The following CNTN3 variants were observed in gnomAD, a reference collection of about 807,000 sequenced individuals.
The protein encoded by CNTN3 is contactin-3.
Under a neutral mutation model 119.1 loss-of-function variants are expected in CNTN3, and 60 were observed. The observed-to-expected ratio is 0.50, with a 90% CI of 0.41 to 0.62. The LOEUF is 0.62. CNTN3 is among the 20% of genes least tolerant of loss of function. The probability of loss-of-function intolerance (pLI) is 0.00; values close to 1 mark genes in which losing one functional copy is unlikely to be tolerated. For synonymous variants in CNTN3, 450 were observed against 438.7 expected, an observed-to-expected ratio of 1.03 and a Z score of -0.32; for missense variants, 1,101 against 1,242.4, an observed-to-expected ratio of 0.89 and a Z score of 1.71.
At chr3:74,402,531 CATT>C (rs1051461518) in intron 5 of CNTN3, among the ~76,000 whole-genome samples, 1 of 152,082 alleles carries the variant, frequency 6.6e-6, no homozygotes, top group African/African-American at 2.4e-5. Flanking sequence ...TGGCAAATGA[CATT>C]GTTAGCATTC....
At chr3:74,308,087 T>C (rs1353053056) in intron 13 of CNTN3, among the ~76,000 whole-genome samples, 2 of 152,178 alleles carry the variant, frequency 1.3e-5, no homozygotes, top group Non-Finnish European at 2.9e-5. Flanking sequence ...TGGTTGGCGT[T>C]TTCCTCTGTA....
chr3:74,434,408 C>A (rs996820434), intron 4 of CNTN3, among the ~76,000 whole-genome samples: 2 of 152,130 alleles, frequency 1.3e-5, no homozygotes, highest in African/African-American at 4.8e-5. Context: ...TACAGTTTTT[C>A]AAACATGCAC....
intron 20 of CNTN3, among the ~76,000 whole-genome samples, chr3:74,277,220 T>G (rs1218112693): frequency 2.0e-5 from 3 of 151,556 alleles, no homozygotes; most frequent in Non-Finnish European, 4.4e-5. Flanking sequence ...CAATCCTGTT[T>G]ACACTATTCA....
At chr3:74,351,583 T>G (rs1168089574) in intron 11 of CNTN3, among the ~76,000 whole-genome samples, 1 of 152,250 alleles carries the variant, frequency 6.6e-6, no homozygotes, top group Non-Finnish European at 1.5e-5. Context: ...AACGTATGTT[T>G]AACTTCATCT....
intron 4 of CNTN3, among the ~76,000 whole-genome samples, chr3:74,428,459 C>T (rs372894863): frequency 1.3e-5 from 2 of 151,570 alleles, no homozygotes; most frequent in Non-Finnish European, 2.9e-5. Flanking sequence ...CCTAGGTTAA[C>T]GTGTGTTTTT....
intron 11 of CNTN3, among the ~76,000 whole-genome samples, chr3:74,342,250 C>A (rs1250897687): frequency 6.6e-6 from 1 of 152,138 alleles, no homozygotes; most frequent in Admixed American, 6.5e-5. Flanking sequence ...ACTGCTCTCA[C>A]CCCCACGTTA....
In CNTN3 at chr3:74,524,342, G is replaced by A. The variant is rs140870834; in HGVS notation, c.-80-3150C>T. Among the ~76,000 whole-genome samples the A allele has an allele frequency of 2.6e-3, 400 of 151,908 alleles. 4 individuals are homozygous for A. Among genetic ancestry groups the A allele is most frequent in the African/African-American group, 9.0e-3 (373 of 41,474 alleles). ...GATTGTCAGGAGACTGATAATCCCC[G>A]TACTCATAGAGTTTATCAACTATTG... On this transcript the variant is annotated intron_variant, in intron 1 of 22. Coordinates refer to ENST00000263665, the MANE Select transcript of CNTN3 (RefSeq NM_020872.3).
At position 74,441,002 on chromosome 3, in the gene CNTN3, G is replaced by A. The variant is rs142865709; in HGVS notation, c.359-16062C>T. ...AAACAATCCCCCATGGACACCTAAG[G>A]ATGACTGTATTTACCCCTAACTTTA... On this transcript the variant is annotated intron_variant, in intron 4 of 22. Coordinates refer to ENST00000263665, the MANE Select transcript of CNTN3 (RefSeq NM_020872.3). Among the ~76,000 whole-genome samples the A allele has an allele frequency of 2.0e-5, 3 of 152,080 alleles. No homozygotes were observed. In the East Asian group the frequency reaches 5.8e-4, roughly 29 times the overall value.
chr3:74,337,611 A>G (rs1262437925), intron 11 of CNTN3, among the ~76,000 whole-genome samples: 1 of 152,054 alleles, frequency 6.6e-6, no homozygotes, highest in Non-Finnish European at 1.5e-5. Flanking sequence ...TAAAACCATC[A>G]ATTCTCATGA....
chr3:74,351,448 C>T (rs577490170), intron 11 of CNTN3, among the ~76,000 whole-genome samples: 1 of 152,188 alleles, frequency 6.6e-6, no homozygotes, highest in Admixed American at 6.5e-5. Context: ...GAAGCCAAGG[C>T]TCAGGAATTA....
intron 19 of CNTN3, among the ~76,000 whole-genome samples, chr3:74,292,562 C>T (rs562546224): frequency 1.2e-4 from 18 of 151,952 alleles, no homozygotes; most frequent in Non-Finnish European, 2.4e-4. Context: ...GCGAAAACTC[C>T]GTCTCAAAAA....
chr3:74,370,019 G>T lies in CNTN3; in HGVS notation c.659-28C>A, dbSNP rs777634860. On this transcript the variant is annotated intron_variant, in intron 6 of 22. Transcript: ENST00000263665. ...ATAAATCCACAATATAAAGTTAATC[G>T]TTTCAATATTTCCTTTAGAATTGCC... 24 of 1,236,344 alleles carry T rather than the reference G, an allele frequency of 1.9e-5. No homozygotes were observed. In the Middle Eastern group the frequency reaches 1.3e-3, roughly 68 times the overall value. The allele number at this position is 1,236,344 out of a possible 1,614,324, so 76.6% of individuals were successfully genotyped here.
chr3:74,264,603 G>T, intron 22 of CNTN3, 102 bp from the exon 23 acceptor site: 1 of 651,134 alleles, frequency 1.5e-6, no homozygotes, highest in Non-Finnish European at 2.5e-6. Flanking sequence ...ATTCTTTGTT[G>T]AAATCCTAAC....
chr3:74,569,291 C>T (rs1704274356), intron 1 of CNTN3, among the ~76,000 whole-genome samples: 1 of 152,070 alleles, frequency 6.6e-6, no homozygotes, highest in Non-Finnish European at 1.5e-5. Flanking sequence ...TTGGAGTGAC[C>T]CAAAGCCGAT....
At chr3:74,306,356 A>G (rs1702564172) in intron 13 of CNTN3, among the ~76,000 whole-genome samples, 1 of 152,158 alleles carries the variant, frequency 6.6e-6, no homozygotes, top group East Asian at 1.9e-4. Flanking sequence ...TCTTTAGAGT[A>G]TAAAATAATT....
At chr3:74,591,241 T>TA (rs1704698307) in intron 1 of CNTN3, among the ~76,000 whole-genome samples, 1 of 151,882 alleles carries the variant, frequency 6.6e-6, no homozygotes, top group Admixed American at 6.6e-5. Flanking sequence ...TGTCCGTACA[T>TA]AAAGGGGATG....
intron 3 of CNTN3, among the ~76,000 whole-genome samples, chr3:74,487,907 A>G (rs1702887476): frequency 6.6e-6 from 1 of 151,684 alleles, no homozygotes; most frequent in East Asian, 1.9e-4. Flanking sequence ...GTTTTAAAAT[A>G]CAGTTGACGT....
In CNTN3 at chr3:74,313,845, G is replaced by A. The variant is rs115655513; in HGVS notation, c.1669-11038C>T. ...GACCCTCAATCTCTCCTGGATCTGGGGAAAGACATAGAAAGGGAAAGGGGC... is the reference window on the plus strand; with the variant it reads ...GACCCTCAATCTCTCCTGGATCTGGAGAAAGACATAGAAAGGGAAAGGGGC... On this transcript the variant is annotated intron_variant, in intron 13 of 22. Transcript: ENST00000263665. 5.3e-3 allele frequency among the ~76,000 whole-genome samples: 813 copies of A among 152,220 alleles called. 7 individuals are homozygous for A. The highest frequency in any genetic ancestry group is 0.019 in the African/African-American group (776 of 41,526).
intron 4 of CNTN3, among the ~76,000 whole-genome samples, chr3:74,442,439 T>C (rs948186050): frequency 6.6e-6 from 1 of 152,208 alleles, no homozygotes; most frequent in Non-Finnish European, 1.5e-5. Flanking sequence ...TGTTTCATGA[T>C]GGTCTTCTTC....
Sources: allele counts gnomAD v4.1 joint callset (sites outside exome capture counted in the v4.1 genomes callset), GRCh38; gene constraint gnomAD v4.1.1; transcripts MANE v1.5; gene names NCBI Gene and HGNC (gene_info 2026-07-23, HGNC 2026-07-21).